The following POLA1 variants were observed in gnomAD, a reference collection of about 807,000 sequenced individuals.
POLA1 encodes DNA polymerase alpha 1, catalytic subunit.
POLA1 carries 15 observed loss-of-function variants against 124.0 expected under a neutral mutation model. The ratio of observed to expected loss-of-function variants is 0.12; its 90% CI spans 0.08 to 0.19. The LOEUF (loss-of-function observed/expected upper bound fraction) is 0.19. Among genes scored for constraint, POLA1 ranks in the 10% least tolerant of loss-of-function variants. POLA1 has a pLI of 1.00. For missense variants in POLA1, 886 were observed against 1,103.4 expected (o/e 0.80, Z 2.79); for synonymous variants, 408 against 389.4 (o/e 1.05, Z -0.56).
intron 4 of POLA1, among the ~76,000 whole-genome samples, chrX:24,711,687 T>G (rs1398550318): frequency 9.0e-6 from 1 of 111,170 alleles, no homozygotes; most frequent in Non-Finnish European, 1.9e-5. Context: ...AACCTCTGCC[T>G]CCTGAGTTCA....
intron 36 of POLA1, among the ~76,000 whole-genome samples, chrX:24,974,470 C>T (rs2048341785): frequency 9.0e-6 from 1 of 111,414 alleles, no homozygotes; most frequent in Admixed American, 9.5e-5. Flanking sequence ...TACCATGCAG[C>T]CATAAAAAAA....
chrX:24,918,023 C>T (rs960061598), intron 35 of POLA1, among the ~76,000 whole-genome samples: 1 of 110,528 alleles, frequency 9.0e-6, no homozygotes, highest in Non-Finnish European at 1.9e-5. Context: ...GCAGTCTGTC[C>T]GACTCTGGAA....
At chrX:24,923,391 G>A (rs1377927819) in intron 35 of POLA1, among the ~76,000 whole-genome samples, 1 of 111,307 alleles carries the variant, frequency 9.0e-6, no homozygotes, top group Non-Finnish European at 1.9e-5. Context: ...GGTTGTCTGT[G>A]GGGAGAGGGA....
rs145742505 is a variant in POLA1, at chrX:24,843,587, C to T, written c.3957C>T (p.Ile1319=). ...CCAGCTTGTATCGTTGCAGTAACAT[C>T]GATTGTAAGGCTTCACCTCTGACCT... The part of the protein sequence containing the change: ...MEPSLYRCSN[I]DCKASPLTFT... The change falls in exon 34 of 37, where the codon ATC becomes ATT. Residue 1319 remains isoleucine, a synonymous_variant. Coordinates refer to ENST00000379068, the MANE Select transcript of POLA1 (RefSeq NM_001330360.2). 59 of 1,188,580 alleles carry T rather than the reference C, an allele frequency of 5.0e-5. No individual in the cohort carries two copies. In the African/African-American group the frequency reaches 8.3e-4, roughly 17 times the overall value.
chrX:24,730,040 G>T (rs1222050946), intron 15 of POLA1, among the ~76,000 whole-genome samples: 2 of 110,618 alleles, frequency 1.8e-5, no homozygotes, highest in African/African-American at 3.3e-5. Flanking sequence ...CAAGTGATCT[G>T]CCCACCCCAG....
intron 20 of POLA1, among the ~76,000 whole-genome samples, chrX:24,740,671 A>G (rs1263457388): frequency 9.0e-6 from 1 of 111,270 alleles, no homozygotes; most frequent in Non-Finnish European, 1.9e-5. Context: ...TGATCTAGCC[A>G]TATTGGCCTC....
chrX:24,888,676 A>G (rs748365875), intron 35 of POLA1, among the ~76,000 whole-genome samples: 4 of 90,162 alleles, frequency 4.4e-5, no homozygotes, highest in African/African-American at 4.5e-5. Flanking sequence ...GCACGATCTC[A>G]GCTCACTGCA....
intron 32 of POLA1, among the ~76,000 whole-genome samples, chrX:24,827,505 C>G (rs1360254502): frequency 8.9e-6 from 1 of 112,245 alleles, no homozygotes; most frequent in Non-Finnish European, 1.9e-5. Context: ...ACCTATGTAT[C>G]CAGCCTTATT....
rs1268437554 is a variant in POLA1, at chrX:24,710,222, C to T, written c.347-4332C>T. 3.6e-5 allele frequency among the ~76,000 whole-genome samples: 4 copies of T among 110,474 alleles called. No homozygotes were observed. In the Admixed American group the frequency reaches 3.8e-4, roughly 11 times the overall value. On this transcript the variant is annotated intron_variant, in intron 4 of 36. Coordinates refer to ENST00000379068, the MANE Select transcript of POLA1 (RefSeq NM_001330360.2). The stretch of plus-strand genomic sequence containing the variant: ...TGCAACCATCACCATCATCTTGTTC[C>T]AGAACATTTTCATCATCCAAAATGG...
At chrX:24,771,779 G>A (rs898777895) in intron 26 of POLA1, among the ~76,000 whole-genome samples, 4 of 111,642 alleles carry the variant, frequency 3.6e-5, no homozygotes, top group Non-Finnish European at 5.7e-5. Context: ...ACATGAAAGT[G>A]CTAGTTTTAA....
intron 36 of POLA1, among the ~76,000 whole-genome samples, chrX:24,970,194 C>T: frequency 8.9e-6 from 1 of 112,086 alleles, no homozygotes; most frequent in South Asian, 3.7e-4. Context: ...CTGACAAAAG[C>T]AAGCAATGGG....
At chrX:24,727,144 A>G in intron 14 of POLA1, 73 bp downstream of exon 14, 1 of 887,279 alleles carries the variant, frequency 1.1e-6, no homozygotes, top group Non-Finnish European at 1.6e-6. Flanking sequence ...GAAGTTAGGA[A>G]ATTGATCTAT....
chrX:24,898,368 T>G (rs1341414533), intron 35 of POLA1, among the ~76,000 whole-genome samples: 1 of 112,519 alleles, frequency 8.9e-6, no homozygotes, highest in Non-Finnish European at 1.9e-5. Flanking sequence ...GTCATAATTT[T>G]GCTTAAGTGT....
intron 32 of POLA1, among the ~76,000 whole-genome samples, chrX:24,835,048 CTTT>C (rs761260774): frequency 1.0e-5 from 1 of 97,474 alleles, no homozygotes. Flanking sequence ...TTTGCATTTC[CTTT>C]TTTTTTTTTT....
In POLA1 at chrX:24,723,137, T is replaced by A. The variant is rs776802445; in HGVS notation, c.1088-18T>A. The A allele has an allele frequency of 1.8e-5, 19 of 1,082,194 alleles. No homozygotes were observed. In the South Asian group the frequency reaches 3.4e-4, roughly 19 times the overall value. The allele number at this position is 1,082,194 out of a possible 1,213,427, so 89.2% of individuals were successfully genotyped here. On this transcript the variant is annotated intron_variant, in intron 10 of 36. Coordinates refer to ENST00000379068, the MANE Select transcript of POLA1 (RefSeq NM_001330360.2). ...ATTGAAATGTTTCTTTTCTCGTGAT[T>A]TTCACTTATTCTTTCAGGTGTGGTA...
chrX:24,809,837 T>A, intron 26 of POLA1, 61 bp from the exon 27 acceptor site: 1 of 679,168 alleles, frequency 1.5e-6, no homozygotes, highest in Non-Finnish European at 2.2e-6. Flanking sequence ...TATCTCTATG[T>A]GCTTCTATTT....
intron 26 of POLA1, among the ~76,000 whole-genome samples, chrX:24,794,036 G>A (rs2045562114): frequency 9.0e-6 from 1 of 110,662 alleles, no homozygotes; most frequent in African/African-American, 3.3e-5. Flanking sequence ...GAGTGCAGTG[G>A]CATGATCTTG....
At chrX:24,888,627 T>G (rs370856653) in intron 35 of POLA1, among the ~76,000 whole-genome samples, 1 of 87,445 alleles carries the variant, frequency 1.1e-5, no homozygotes, top group African/African-American at 5.3e-5. Flanking sequence ...TTTTTTTTTT[T>G]GACGGAGTCT....
chrX:24,717,962 G>C (rs1273629287), intron 10 of POLA1, among the ~76,000 whole-genome samples: 1 of 110,819 alleles, frequency 9.0e-6, no homozygotes, highest in Non-Finnish European at 1.9e-5. Context: ...TATTGTAAGA[G>C]AGCGACACTC....
Sources: allele counts gnomAD v4.1 joint callset (sites outside exome capture counted in the v4.1 genomes callset), GRCh38; gene constraint gnomAD v4.1.1; transcripts MANE v1.5; gene names NCBI Gene and HGNC (gene_info 2026-07-23, HGNC 2026-07-21).